Variants in FHIT observed in about 807,000 individuals in gnomAD.
FHIT encodes the protein bis(5'-adenosyl)-triphosphatase.
FHIT carries 19 observed loss-of-function variants against 17.9 expected under a neutral mutation model. That is an observed-to-expected ratio of 1.06 (90% CI 0.74 to 1.56). The LOEUF is 1.56. Ranked by LOEUF, FHIT falls within the 40% of genes most tolerant of loss-of-function variation. The pLI is 0.00. For missense variants in FHIT, 248 were observed against 189.2 expected (o/e 1.31, Z -1.82); for synonymous variants, 81 against 69.7 (o/e 1.16, Z -0.81).
At chr3:60,007,382 T>C (rs1002821880) in intron 7 of FHIT, among the ~76,000 whole-genome samples, 2 of 152,220 alleles carry the variant, frequency 1.3e-5, no homozygotes, top group Non-Finnish European at 2.9e-5. Flanking sequence ...CCAGGAATAT[T>C]GCTGACTGCA....
chr3:59,936,790 A>G (rs1706263792), intron 7 of FHIT, among the ~76,000 whole-genome samples: 1 of 152,178 alleles, frequency 6.6e-6, no homozygotes, highest in African/African-American at 2.4e-5. Context: ...TGGAGACAGC[A>G]CTTCCTAATT....
At chr3:60,186,430 G>T (rs1032912318) in intron 5 of FHIT, among the ~76,000 whole-genome samples, 2 of 152,120 alleles carry the variant, frequency 1.3e-5, no homozygotes, top group Non-Finnish European at 1.5e-5. Context: ...GACTGAATTT[G>T]TGTGAGTTAG....
intron 4 of FHIT, among the ~76,000 whole-genome samples, chr3:60,764,264 CACAT>C (rs1395479045): frequency 6.7e-6 from 1 of 148,582 alleles, no homozygotes; most frequent in African/African-American, 2.6e-5. Flanking sequence ...CACACACACA[CACAT>C]ATACTAGACA....
At chr3:60,934,294 G>T (rs1347572469) in intron 3 of FHIT, among the ~76,000 whole-genome samples, 1 of 151,944 alleles carries the variant, frequency 6.6e-6, no homozygotes, top group African/African-American at 2.4e-5. Flanking sequence ...AAGAAAAAAA[G>T]AAAAGAAAAA....
At chr3:60,158,198 A>G (rs752962379) in intron 5 of FHIT, among the ~76,000 whole-genome samples, 14 of 152,208 alleles carry the variant, frequency 9.2e-5, no homozygotes, top group Non-Finnish European at 1.9e-4. Flanking sequence ...CCTGGCACTC[A>G]TAGCCAGGCC....
At chr3:60,825,693 C>T (rs782761192) in intron 3 of FHIT, among the ~76,000 whole-genome samples, 8 of 152,106 alleles carry the variant, frequency 5.3e-5, no homozygotes, top group Admixed American at 2.6e-4. Flanking sequence ...GAGACCCTAA[C>T]GCCTGATGAT....
At chr3:59,756,233 G>C (rs913419831) in intron 8 of FHIT, among the ~76,000 whole-genome samples, 15 of 152,270 alleles carry the variant, frequency 9.9e-5, no homozygotes, top group African/African-American at 3.6e-4. Context: ...TTTGTAGAAG[G>C]ATTAAAAGTT....
chr3:60,905,845 T>A (rs1247607839), intron 3 of FHIT, among the ~76,000 whole-genome samples: 3 of 151,978 alleles, frequency 2.0e-5, no homozygotes, highest in Non-Finnish European at 4.4e-5. Flanking sequence ...AGAGCGTGAG[T>A]AAAAATGGAG....
chr3:60,957,573 A>G (rs893632568), intron 3 of FHIT, among the ~76,000 whole-genome samples: 1 of 152,218 alleles, frequency 6.6e-6, no homozygotes, highest in Non-Finnish European at 1.5e-5. Flanking sequence ...ACATCCTGCC[A>G]CAAAAGGACC....
At chr3:60,921,659 T>G (rs1415242943) in intron 3 of FHIT, among the ~76,000 whole-genome samples, 1 of 152,200 alleles carries the variant, frequency 6.6e-6, no homozygotes, top group Admixed American at 6.5e-5. Flanking sequence ...ATCCAGTTGA[T>G]CTTAAATCAA....
intron 3 of FHIT, among the ~76,000 whole-genome samples, chr3:61,035,226 G>A (rs558485872): frequency 1.1e-4 from 16 of 152,220 alleles, no homozygotes; most frequent in East Asian, 3.9e-4. Flanking sequence ...ATGATTGCAC[G>A]GCACTGTCAG....
intron 4 of FHIT, among the ~76,000 whole-genome samples, chr3:60,552,656 C>G (rs756254172): frequency 6.6e-6 from 1 of 152,146 alleles, no homozygotes; most frequent in Non-Finnish European, 1.5e-5. Context: ...GTATTTATAC[C>G]TACTCCCTCT....
At chr3:60,947,307 A>G (rs1337664004) in intron 3 of FHIT, among the ~76,000 whole-genome samples, 1 of 152,126 alleles carries the variant, frequency 6.6e-6, no homozygotes, top group Non-Finnish European at 1.5e-5. Flanking sequence ...AAATATCACC[A>G]TCATGTAAGA....
rs75239349 is a variant in FHIT, at chr3:59,854,782, A to G, written c.348+67564T>C. 4.4e-3 allele frequency among the ~76,000 whole-genome samples: 654 copies of G among 149,040 alleles called. 6 individuals are homozygous for G. Among genetic ancestry groups the G allele is most frequent in the African/African-American group, 0.015 (628 of 40,994 alleles). Reference sequence around the variant, plus strand: ...TTGCCATACTAGGCTCCCTCTCTAAATAACTTTCTCATTAAGTGAGCAGAG... The same window carrying G: ...TTGCCATACTAGGCTCCCTCTCTAAGTAACTTTCTCATTAAGTGAGCAGAG... On this transcript the variant is annotated intron_variant, in intron 8 of 9. Coordinates refer to ENST00000492590, the MANE Select transcript of FHIT (RefSeq NM_002012.4).
chr3:60,974,683 T>C (rs1042874032), intron 3 of FHIT, among the ~76,000 whole-genome samples: 1 of 152,172 alleles, frequency 6.6e-6, no homozygotes, highest in African/African-American at 2.4e-5. Context: ...ACAAGAGTGA[T>C]TAACCCTCAG....
At chr3:60,066,309 C>A (rs558315149) in intron 5 of FHIT, among the ~76,000 whole-genome samples, 1 of 152,152 alleles carries the variant, frequency 6.6e-6, no homozygotes, top group South Asian at 2.1e-4. Context: ...AATTTCCCAA[C>A]GATATCTAAG....
chr3:60,370,698 G>A (rs1700290919), intron 5 of FHIT, among the ~76,000 whole-genome samples: 1 of 151,888 alleles, frequency 6.6e-6, no homozygotes, highest in Admixed American at 6.6e-5. Context: ...AATTATATCT[G>A]AAGTTTGTCC....
intron 5 of FHIT, among the ~76,000 whole-genome samples, chr3:60,379,998 C>A (rs1448121137): frequency 6.6e-6 from 1 of 152,144 alleles, no homozygotes; most frequent in East Asian, 1.9e-4. Flanking sequence ...AAAATTTAGA[C>A]AGGAGGTTAT....
intron 5 of FHIT, among the ~76,000 whole-genome samples, chr3:60,246,814 G>A (rs896839629): frequency 1.3e-5 from 2 of 152,126 alleles, no homozygotes; most frequent in Non-Finnish European, 2.9e-5. Flanking sequence ...TGCAGTTGAA[G>A]CAAATTCTTG....
Sources: gnomAD v4.1 joint callset for allele counts (sites outside exome capture counted in the v4.1 genomes callset) on GRCh38, gnomAD v4.1.1 for gene constraint, MANE v1.5 for transcripts, NCBI Gene and HGNC (gene_info 2026-07-23, HGNC 2026-07-21) for gene names.